NRG3: variants seen among roughly 807,000 people sequenced by gnomAD.
NRG3 encodes the protein pro-neuregulin-3, membrane-bound isoform.
In NRG3, 31 loss-of-function variants were observed where a neutral mutation model predicts 66.9. The ratio of observed to expected loss-of-function variants is 0.46; its 90% CI spans 0.35 to 0.63. The LOEUF is 0.63. NRG3 is among the 20% of genes least tolerant of loss of function. The probability of loss-of-function intolerance (pLI) is 0.00; values close to 1 mark genes in which losing one functional copy is unlikely to be tolerated. For missense variants in NRG3, 910 were observed against 878.9 expected, an observed-to-expected ratio of 1.04 and a Z score of -0.45; for synonymous variants, 393 against 359.4, an observed-to-expected ratio of 1.09 and a Z score of -1.06.
At chr10:82,206,309 A>G (rs979837265) in intron 1 of NRG3, among the ~76,000 whole-genome samples, 8 of 152,174 alleles carry the variant, frequency 5.3e-5, no homozygotes, top group Non-Finnish European at 1.0e-4. Flanking sequence ...CCAGAGTCTG[A>G]CAATTTACTA....
At chr10:82,659,187 T>G (rs955265248) in intron 2 of NRG3, among the ~76,000 whole-genome samples, 1 of 152,376 alleles carries the variant, frequency 6.6e-6, no homozygotes, top group African/African-American at 2.4e-5. Flanking sequence ...ATTTTAGAAT[T>G]ATCCCAAACA....
At chr10:81,914,786 A>AAAAG (rs1328168350) in intron 1 of NRG3, among the ~76,000 whole-genome samples, 3 of 151,452 alleles carry the variant, frequency 2.0e-5, no homozygotes, top group Admixed American at 2.0e-4. Context: ...AAAAAAAAAA[A>AAAAG]AAAGAAAGAC....
rs373638545 is a variant in NRG3, at chr10:82,860,061, G to A, written c.1028-5350G>A. ...GTAAGATCATTTGGTTCAATGTTGG[G>A]CATATTTTCAGACTCAACAATTTAT... On this transcript the variant is annotated intron_variant, in intron 3 of 8. Coordinates refer to ENST00000372141, the MANE Select transcript of NRG3 (RefSeq NM_001010848.4). Among the ~76,000 whole-genome samples the A allele has an allele frequency of 1.7e-4, 26 of 152,200 alleles. No individual in the cohort carries two copies. The East Asian group carries it at 3.7e-3, about 22-fold the overall frequency.
Position 82,276,886 on chromosome 10 carries a change from T to G in NRG3, c.824-81853T>G, listed in dbSNP as rs147526328. 6.4e-4 allele frequency among the ~76,000 whole-genome samples: 98 copies of G among 152,150 alleles called. 1 individual carries two copies. The East Asian group carries it at 0.016, about 25-fold the overall frequency. ...TTATCAAACCTTAAAATGTAGCAGT[T>G]AAAAAAGATAGTACATTTCCTTCCT... On this transcript the variant is annotated intron_variant, in intron 1 of 8. Coordinates refer to ENST00000372141, the MANE Select transcript of NRG3 (RefSeq NM_001010848.4).
intron 3 of NRG3, among the ~76,000 whole-genome samples, chr10:82,782,556 G>A (rs2060161997): frequency 6.6e-6 from 1 of 152,130 alleles, no homozygotes; most frequent in South Asian, 2.1e-4. Context: ...CGAGACTGTT[G>A]TTATAACAAA....
intron 1 of NRG3, among the ~76,000 whole-genome samples, chr10:82,071,323 A>G (rs1205369864): frequency 6.6e-6 from 1 of 152,188 alleles, no homozygotes; most frequent in East Asian, 1.9e-4. Context: ...ATGCTGAGCA[A>G]GGATGGGGAT....
intron 2 of NRG3, among the ~76,000 whole-genome samples, chr10:82,576,125 T>A (rs1225480905): frequency 6.6e-6 from 1 of 151,774 alleles, no homozygotes; most frequent in African/African-American, 2.4e-5. Context: ...GAGGAGAAAC[T>A]ATGAATCAAT....
intron 2 of NRG3, among the ~76,000 whole-genome samples, chr10:82,465,576 T>C (rs1840593709): frequency 6.6e-6 from 1 of 152,204 alleles, no homozygotes; most frequent in Admixed American, 6.5e-5. Flanking sequence ...CTGGATGGGC[T>C]GTTTATGAGT....
chr10:82,396,232 A>G (rs1444307145), intron 2 of NRG3, among the ~76,000 whole-genome samples: 1 of 151,722 alleles, frequency 6.6e-6, no homozygotes, highest in Non-Finnish European at 1.5e-5. Flanking sequence ...CCTCTGGAAC[A>G]TTTTTTTTCA....
In NRG3 at chr10:81,964,413, AAAAAAG is replaced by A. The variant is rs1391374027; in HGVS notation, c.823+88253_823+88258del. On this transcript the variant is annotated intron_variant, in intron 1 of 8. Coordinates refer to ENST00000372141, the MANE Select transcript of NRG3 (RefSeq NM_001010848.4). ...TCTGTCTCAAAAAAAAAAAAAAAAA[AAAAAAG>A]AAGAATATTAGAAAATTACAAAAAA... 4.2e-3 allele frequency among the ~76,000 whole-genome samples: 631 copies of A among 150,912 alleles called. 1 individual carries two copies. The highest frequency in any genetic ancestry group is 6.8e-3 in the Middle Eastern group (2 of 292).
intron 2 of NRG3, among the ~76,000 whole-genome samples, chr10:82,690,051 T>G (rs1337054549): frequency 6.6e-6 from 1 of 152,210 alleles, no homozygotes; most frequent in Admixed American, 6.5e-5. Context: ...TCATTCTATT[T>G]ACCACACCAG....
chr10:82,720,083 T>C (rs1234127117), intron 2 of NRG3, among the ~76,000 whole-genome samples: 1 of 152,188 alleles, frequency 6.6e-6, no homozygotes, highest in Non-Finnish European at 1.5e-5. Flanking sequence ...AATGATAGGC[T>C]TGACTTACCT....
chr10:82,541,604 T>G (rs369162860), intron 2 of NRG3, among the ~76,000 whole-genome samples: 5 of 152,192 alleles, frequency 3.3e-5, no homozygotes, highest in African/African-American at 1.2e-4. Context: ...CTGGAATCTA[T>G]AGATAACATA....
At chr10:82,621,708 C>A (rs1194240035) in intron 2 of NRG3, among the ~76,000 whole-genome samples, 2 of 152,178 alleles carry the variant, frequency 1.3e-5, no homozygotes, top group African/African-American at 4.8e-5. Flanking sequence ...TACTAACCTG[C>A]TTTTGTGACG....
intron 2 of NRG3, among the ~76,000 whole-genome samples, chr10:82,370,533 A>G (rs1018596111): frequency 2.1e-5 from 3 of 142,620 alleles, no homozygotes; most frequent in South Asian, 2.1e-4. Context: ...AGAAATGCCT[A>G]TTCTTATTCA....
intron 4 of NRG3, among the ~76,000 whole-genome samples, chr10:82,883,486 GTCTCAGTAT>G (rs1842469770): frequency 6.6e-6 from 1 of 152,044 alleles, no homozygotes; most frequent in Non-Finnish European, 1.5e-5. Flanking sequence ...ATTTTCCTGA[GTCTCAGTAT>G]TCTTGTCTGT....
intron 2 of NRG3, among the ~76,000 whole-genome samples, chr10:82,728,179 G>A (rs892684389): frequency 8.5e-5 from 13 of 152,106 alleles, no homozygotes; most frequent in African/African-American, 2.9e-4. Context: ...AATGAGTTAA[G>A]ACTTTGGGGG....
chr10:82,267,585 C>A (rs184419474), intron 1 of NRG3, among the ~76,000 whole-genome samples: 1 of 152,202 alleles, frequency 6.6e-6, no homozygotes, highest in Admixed American at 6.5e-5. Context: ...CAGACACATT[C>A]TTCATAGCTG....
intron 4 of NRG3, among the ~76,000 whole-genome samples, chr10:82,884,334 TTTC>T (rs1842552592): frequency 1.3e-5 from 2 of 152,182 alleles, no homozygotes; most frequent in Non-Finnish European, 2.9e-5. Flanking sequence ...TTGTTCTAAC[TTTC>T]GTCATCTTTG....
Sources: gnomAD v4.1 joint callset for allele counts (sites outside exome capture counted in the v4.1 genomes callset) on GRCh38, gnomAD v4.1.1 for gene constraint, MANE v1.5 for transcripts, NCBI Gene and HGNC (gene_info 2026-07-23, HGNC 2026-07-21) for gene names.